Variants in CD163 observed in about 807,000 individuals in gnomAD.
CD163 encodes CD163 molecule.
In CD163, 64 loss-of-function variants were observed where a neutral mutation model predicts 129.2. The ratio of observed to expected loss-of-function variants is 0.50; its 90% CI spans 0.41 to 0.61. The LOEUF (loss-of-function observed/expected upper bound fraction) is 0.61, where lower values mean the gene tolerates loss of function less well. Among genes scored for constraint, CD163 ranks in the 20% least tolerant of loss-of-function variants. The pLI is 0.00. For missense variants in CD163, 1,061 were observed against 1,377.9 expected (o/e 0.77, Z 3.64); for synonymous variants, 446 against 478.5 (o/e 0.93, Z 0.89).
chr12:7,501,642 G>A (rs1949491458), intron 2 of CD163, among the ~76,000 whole-genome samples, 180 bp from the exon 3 acceptor site: 1 of 152,176 alleles, frequency 6.6e-6, no homozygotes, highest in African/African-American at 2.4e-5. Flanking sequence ...AGTATCACTG[G>A]TTTCAAATTA....
rs374396646 is a variant in CD163 at position 7,503,750 on chromosome 12, T to C, written c.-60A>G. On this transcript the variant is annotated 5_prime_UTR_variant, in exon 1 of 17. Transcript: ENST00000432237. ...TTCTTGTATTATTCCCTAGAAATGT[T>C]CTTCTAAAGAAAACAACTAAGAATT... 2.4e-5 allele frequency: 26 copies of C among 1,066,360 alleles called. No homozygotes were observed. In the East Asian group the frequency reaches 3.6e-4, roughly 15 times the overall value. The allele number at this position is 1,066,360 out of a possible 1,614,324, so 66.1% of individuals were successfully genotyped here. A position where few individuals can be genotyped will look rare whatever the true frequency, so the allele number is the denominator to read the frequency against.
rs951655179 is a variant in CD163, at chr12:7,470,890, C to T, written c.*539G>A. The T allele has an allele frequency of 6.6e-6, 1 of 152,066 alleles. No homozygotes were observed. Among genetic ancestry groups the T allele is most frequent in the East Asian group, 1.9e-4 (1 of 5,194 alleles). The allele number at this position is 152,066 out of a possible 1,614,324, so 9.4% of individuals were successfully genotyped here. A position where few individuals can be genotyped will look rare whatever the true frequency, so the allele number is the denominator to read the frequency against. On this transcript the variant is annotated 3_prime_UTR_variant, in exon 17 of 17. Transcript: ENST00000432237. ...CAGTAACAAAAAGCAGTTAAAGAAT[C>T]GTTGTGAGTCATGCCTTATAAAGTT...
At position 7,487,030 on chromosome 12, in the gene CD163, A is replaced by G. The variant is rs774980492; in HGVS notation, c.2051-44T>C. 1 of 1,469,406 alleles carries G rather than the reference A, an allele frequency of 6.8e-7. No homozygotes were observed. Among genetic ancestry groups the G allele is most frequent in the South Asian group, 1.2e-5 (1 of 86,554 alleles). 91.0% of individuals were successfully genotyped at this position (1,469,406 alleles called of 1,614,324 possible). ...TCAGTCATACAAGACACAAAAGGTT[A>G]GGGGAGTCAGATGAAATGTTATATG... On this transcript the variant is annotated intron_variant, in intron 8 of 16. Transcript: ENST00000432237. The surrounding 1 kb of genome is among the most constrained non-coding windows in gnomAD (Gnocchi z 5.1).
chr12:7,476,424 G>A lies in CD163; in HGVS notation c.*31+3436C>T, dbSNP rs752472886. Reference sequence around the variant, plus strand: ...ATGGCACAGGACAGAGGCCTCAGAAGTAACACCACACCTCTACAACCATCT... The same window carrying A: ...ATGGCACAGGACAGAGGCCTCAGAAATAACACCACACCTCTACAACCATCT... On this transcript the variant is annotated intron_variant, in intron 16 of 16. Coordinates refer to ENST00000432237, the MANE Select transcript of CD163 (RefSeq NM_203416.4). Among the ~76,000 whole-genome samples the A allele has an allele frequency of 5.9e-5, 9 of 152,086 alleles. No individual in the cohort carries two copies. In the South Asian group the frequency reaches 1.9e-3, roughly 32 times the overall value.
In CD163 at chr12:7,486,723, T is replaced by C. The variant is rs1565402158; in HGVS notation, c.2234A>G (p.Asp745Gly). Residue 745 changes from aspartate (D) to glycine (G), a missense_variant, in exon 10 of 17, where the codon GAT becomes GGT. By Grantham distance (94) the Asp-to-Gly change is moderately conservative. Coordinates refer to ENST00000432237, the MANE Select transcript of CD163 (RefSeq NM_203416.4). ...YHEGSWGTICDDSWDLSDAHV... is the reference protein window; with the variant it reads ...YHEGSWGTICGDSWDLSDAHV... ...GGCATCACTCAGGTCCCAGCTGTCATCACAGATGGTGCCCCAGGAGCCCTC... is the reference window on the plus strand; with the variant it reads ...GGCATCACTCAGGTCCCAGCTGTCACCACAGATGGTGCCCCAGGAGCCCTC... The C allele has an allele frequency of 6.2e-7, 1 of 1,614,070 alleles. No homozygotes were observed. Among genetic ancestry groups the C allele is most frequent in the African/African-American group, 1.3e-5 (1 of 74,938 alleles).
At chr12:7,501,015 G>A (rs966731203) in intron 3 of CD163, 124 bp downstream of exon 3, 35 of 769,102 alleles carry the variant, frequency 4.6e-5, no homozygotes, top group Non-Finnish European at 6.9e-5. Context: ...GCAATGGATG[G>A]AGTACTTTTA....
At chr12:7,489,017 G>A (rs1284214873) in intron 6 of CD163, among the ~76,000 whole-genome samples, 5 of 152,052 alleles carry the variant, frequency 3.3e-5, no homozygotes, top group African/African-American at 9.7e-5. Context: ...ATTGCCTTAG[G>A]AGATAATTGT....
chr12:7,497,234 A>C (rs1403896487), intron 4 of CD163, 101 bp from the exon 5 acceptor site: 2 of 942,466 alleles, frequency 2.1e-6, no homozygotes, highest in Non-Finnish European at 3.3e-6. Context: ...GAGAGATATA[A>C]GTGGAGACAG....
Position 7,483,419 on chromosome 12 carries a change from G to A in CD163, c.3036C>T (p.Arg1012=). ...ESSLWDCPAR[R]WGHSECGHKE... is the part of the protein sequence containing the mutation. ...TGTGCCCACACTCACTATGGCCCCA[G>A]CGTCTGGCAGGACAATCCCACAAGG... is the stretch of plus-strand genomic sequence containing the variant. The change falls in exon 12 of 17, where the codon CGC becomes CGT. Residue 1012 remains arginine, a synonymous_variant. Transcript: ENST00000432237. 1 of 1,614,074 alleles carries A rather than the reference G, an allele frequency of 6.2e-7. No homozygotes were observed. Among genetic ancestry groups the A allele is most frequent in the East Asian group, 2.2e-5 (1 of 44,862 alleles).
chr12:7,473,144 A>G (rs1288086007), intron 16 of CD163: 2 of 152,222 alleles, frequency 1.3e-5, no homozygotes, highest in Non-Finnish European at 2.9e-5. Context: ...AAGTTGGAAA[A>G]CACTCTTCAG....
chr12:7,491,292 T>C (rs1219766915), intron 6 of CD163, among the ~76,000 whole-genome samples: 3 of 152,222 alleles, frequency 2.0e-5, no homozygotes. Context: ...AGAAAGTGAC[T>C]TGGAGACTCC....
chr12:7,480,045 C>A (rs777140419), intron 15 of CD163, 132 bp from the exon 16 acceptor site: 4 of 1,569,432 alleles, frequency 2.5e-6, no homozygotes, highest in South Asian at 1.2e-5. Flanking sequence ...CCTCTTCTCA[C>A]GTAACTGTGA....
chr12:7,476,512 G>A (rs566983060), intron 16 of CD163, among the ~76,000 whole-genome samples: 36 of 152,142 alleles, frequency 2.4e-4, no homozygotes, highest in African/African-American at 5.1e-4. Flanking sequence ...AATAAATGGC[G>A]CTGGGAAAAT....
At chr12:7,502,987 T>G (rs1046662573) in intron 1 of CD163, among the ~76,000 whole-genome samples, 1 of 152,220 alleles carries the variant, frequency 6.6e-6, no homozygotes, top group South Asian at 2.1e-4. Flanking sequence ...CTAGCCGCAC[T>G]GATAGAGGAT....
chr12:7,483,271 G>T, intron 12 of CD163, 96 bp downstream of exon 12: 2 of 1,137,734 alleles, frequency 1.8e-6, no homozygotes, highest in Non-Finnish European at 1.3e-6. Flanking sequence ...CCAGATCCCT[G>T]TGCTGATAAA....
intron 6 of CD163, among the ~76,000 whole-genome samples, chr12:7,493,342 C>T (rs1004501211): frequency 1.3e-5 from 2 of 152,146 alleles, no homozygotes; most frequent in African/African-American, 2.4e-5. Flanking sequence ...GAGGCCAGCA[C>T]TTCGTCTACC....
chr12:7,475,082 T>C (rs185137862), intron 16 of CD163, among the ~76,000 whole-genome samples: 2 of 82,572 alleles, frequency 2.4e-5, no homozygotes, highest in Non-Finnish European at 4.3e-5. Context: ...AGGCAGTAAG[T>C]AATAGCCTAC....
chr12:7,498,422 C>T (rs1012160679), intron 4 of CD163, among the ~76,000 whole-genome samples: 1 of 151,966 alleles, frequency 6.6e-6, no homozygotes, highest in Admixed American at 6.6e-5. Context: ...ACAAGTGATT[C>T]GATTCTGTGA....
In CD163 at chr12:7,486,949, C is replaced by T. The variant is rs536972277; in HGVS notation, c.2088G>A (p.Ser696=). ...QSQTLSSCNS[S]SLGPTRPTIP... is the part of the protein sequence containing the mutation. ...TGGTAGGCCTTGTTGGGCCCAAAGA[C>T]GATGAATTGCACGAGGACAGTGTTT... is the stretch of plus-strand genomic sequence containing the variant. The change falls in exon 9 of 17, where the codon TCG becomes TCA. Residue 696 remains serine, a synonymous_variant. Transcript: ENST00000432237. 32 of 1,614,074 alleles carry T rather than the reference C, an allele frequency of 2.0e-5. No individual in the cohort carries two copies. The Admixed American group carries it at 2.2e-4, about 11-fold the overall frequency.
Sources: gnomAD v4.1 joint callset for allele counts (sites outside exome capture counted in the v4.1 genomes callset) on GRCh38, gnomAD v4.1.1 for gene constraint, Gnocchi (gnomAD v3.1) non-coding constraint, MANE v1.5 for transcripts, NCBI Gene and HGNC (gene_info 2026-07-23, HGNC 2026-07-21) for gene names.